FGGY: variants seen among roughly 807,000 people sequenced by gnomAD.
The protein encoded by FGGY is FGGY carbohydrate kinase domain containing.
In FGGY, 72 loss-of-function variants were observed where a neutral mutation model predicts 71.3. That is an observed-to-expected ratio of 1.01 (90% CI 0.84 to 1.23). The LOEUF is 1.23. Among genes scored for constraint, FGGY ranks in the 50% most tolerant of loss-of-function variants. FGGY has a pLI of 0.00. For synonymous variants in FGGY, 251 were observed against 250.3 expected (o/e 1.00, Z -0.02); for missense variants, 668 against 682.3 (o/e 0.98, Z 0.23).
intron 5 of FGGY, among the ~76,000 whole-genome samples, chr1:59,442,171 T>A (rs1224520201): frequency 6.6e-6 from 1 of 152,204 alleles, no homozygotes; most frequent in African/African-American, 2.4e-5. Flanking sequence ...CAACTCTAGC[T>A]CTACCCGTAT....
chr1:59,457,905 T>A (rs1389425004), intron 6 of FGGY, among the ~76,000 whole-genome samples: 2 of 152,188 alleles, frequency 1.3e-5, no homozygotes, highest in Non-Finnish European at 2.9e-5. Context: ...AAAGTACATC[T>A]TCTATGTCCC....
chr1:59,399,714 C>T (rs1367877301), intron 5 of FGGY, among the ~76,000 whole-genome samples: 1 of 152,120 alleles, frequency 6.6e-6, no homozygotes, highest in Non-Finnish European at 1.5e-5. Context: ...TCTTTGTGTT[C>T]CTTATGCCAT....
chr1:59,546,672 A>G (rs1452229870), intron 7 of FGGY, among the ~76,000 whole-genome samples: 1 of 151,266 alleles, frequency 6.6e-6, no homozygotes, highest in Non-Finnish European at 1.5e-5. Flanking sequence ...TCAGCCTCCC[A>G]AGTAGCTGGG....
At chr1:59,697,147 A>G (rs922357063) in intron 14 of FGGY, among the ~76,000 whole-genome samples, 3 of 152,200 alleles carry the variant, frequency 2.0e-5, no homozygotes, top group African/African-American at 7.2e-5. Context: ...GTAAATCACC[A>G]TTGGAGGAGG....
chr1:59,714,921 C>G (rs2097831939), intron 14 of FGGY, among the ~76,000 whole-genome samples: 1 of 152,086 alleles, frequency 6.6e-6, no homozygotes, highest in Non-Finnish European at 1.5e-5. Context: ...TATCCTTGAC[C>G]CAGGAAAGAG....
chr1:59,513,757 G>A (rs2094571808), intron 7 of FGGY, among the ~76,000 whole-genome samples: 1 of 152,170 alleles, frequency 6.6e-6, no homozygotes, highest in South Asian at 2.1e-4. Flanking sequence ...TAAATGAATA[G>A]TCACATTAAG....
chr1:59,645,048 G>A (rs1165443285), intron 11 of FGGY, among the ~76,000 whole-genome samples: 3 of 152,024 alleles, frequency 2.0e-5, no homozygotes, highest in African/African-American at 7.2e-5. Flanking sequence ...GATTTTTTTG[G>A]TGGTTATTTT....
intron 8 of FGGY, among the ~76,000 whole-genome samples, chr1:59,591,119 A>G (rs1289119762): frequency 6.6e-6 from 1 of 151,954 alleles, no homozygotes; most frequent in East Asian, 1.9e-4. Flanking sequence ...ATGTGCAAAA[A>G]TCACAAGCAT....
intron 4 of FGGY, among the ~76,000 whole-genome samples, chr1:59,352,606 G>A (rs1264445754): frequency 6.6e-6 from 1 of 152,148 alleles, no homozygotes; most frequent in African/African-American, 2.4e-5. Context: ...GGGGGAACCT[G>A]GGGGTTTGGA....
At position 59,361,256 on chromosome 1, in the gene FGGY, A is replaced by G. The variant is rs115193140; in HGVS notation, c.465+14858A>G. 3.3e-3 allele frequency among the ~76,000 whole-genome samples: 503 copies of G among 152,346 alleles called. 2 individuals carry two copies. The highest frequency in any genetic ancestry group is 0.011 in the African/African-American group (477 of 41,578). On this transcript the variant is annotated intron_variant, in intron 4 of 15. Transcript: ENST00000303721. ...CCAGACACTTTGTTAAATATTGGGA[A>G]TATAGCAGTAAGGAAAACAGAGTCA...
intron 14 of FGGY, among the ~76,000 whole-genome samples, chr1:59,742,626 A>C (rs189777713): frequency 7.2e-5 from 11 of 152,364 alleles, no homozygotes; most frequent in African/African-American, 2.6e-4. Flanking sequence ...AGCCATCTCA[A>C]TCTAAGCATA....
intron 2 of FGGY, among the ~76,000 whole-genome samples, chr1:59,330,458 A>T (rs1318003747): frequency 6.6e-6 from 1 of 151,940 alleles, no homozygotes. Flanking sequence ...AATCCCAACT[A>T]CTGAGGAGGC....
At chr1:59,751,084 G>A (rs767879463) in intron 14 of FGGY, among the ~76,000 whole-genome samples, 34 of 152,154 alleles carry the variant, frequency 2.2e-4, no homozygotes, top group East Asian at 5.8e-4. Flanking sequence ...CACTGAGTCC[G>A]AATGTAGGGT....
In FGGY at chr1:59,337,027, ATATATT is replaced by A. The variant is rs535419822; in HGVS notation, c.202-2925_202-2920del. 6.3e-4 allele frequency among the ~76,000 whole-genome samples: 90 copies of A among 142,450 alleles called. No homozygotes were observed. In the South Asian group the frequency reaches 0.018, roughly 29 times the overall value. 93.5% of individuals were successfully genotyped at this position (142,450 alleles called of 152,430 possible). On this transcript the variant is annotated intron_variant, in intron 2 of 15. Transcript: ENST00000303721. ...TATGTATATGTATATATTCATATATATATATTTATATGTATATAGTCATATATATAT... is the reference window on the plus strand; with the variant it reads ...TATGTATATGTATATATTCATATATATATATGTATATAGTCATATATATAT...
intron 14 of FGGY, among the ~76,000 whole-genome samples, chr1:59,707,758 C>T (rs924905689): frequency 6.6e-6 from 1 of 152,100 alleles, no homozygotes. Flanking sequence ...AATAGAGATA[C>T]GAGAATCAGC....
At chr1:59,689,468 T>C (rs778996885) in intron 14 of FGGY, among the ~76,000 whole-genome samples, 1 of 152,174 alleles carries the variant, frequency 6.6e-6, no homozygotes, top group African/African-American at 2.4e-5. Context: ...ATTAGGAATT[T>C]GATCAGCAGT....
intron 5 of FGGY, among the ~76,000 whole-genome samples, chr1:59,431,385 C>T (rs2067332018): frequency 6.6e-6 from 1 of 152,160 alleles, no homozygotes; most frequent in Admixed American, 6.5e-5. Context: ...CCATGGTTCC[C>T]TTTATTCTCT....
intron 8 of FGGY, among the ~76,000 whole-genome samples, chr1:59,601,813 A>G (rs923869626): frequency 6.6e-6 from 1 of 152,260 alleles, no homozygotes; most frequent in Non-Finnish European, 1.5e-5. Flanking sequence ...ATATTTACTG[A>G]ATACTTAATC....
chr1:59,643,738 G>A (rs912730382), intron 11 of FGGY, among the ~76,000 whole-genome samples: 1 of 152,078 alleles, frequency 6.6e-6, no homozygotes, highest in Non-Finnish European at 1.5e-5. Flanking sequence ...TTACTCTATA[G>A]GAAAAACATT....
Sources: gnomAD v4.1 joint callset for allele counts (sites outside exome capture counted in the v4.1 genomes callset) on GRCh38, gnomAD v4.1.1 for gene constraint, MANE v1.5 for transcripts, NCBI Gene and HGNC (gene_info 2026-07-23, HGNC 2026-07-21) for gene names.